NRCAM: variants seen among roughly 807,000 people sequenced by gnomAD.
The protein encoded by NRCAM is NgCAM-related cell adhesion molecule.
Under a neutral mutation model 156.5 loss-of-function variants are expected in NRCAM, and 83 were observed. The observed-to-expected ratio is 0.53, with a 90% CI of 0.44 to 0.64. The LOEUF (loss-of-function observed/expected upper bound fraction) is 0.64. NRCAM is among the 30% of genes least tolerant of loss of function. NRCAM has a pLI of 0.00. For missense variants in NRCAM, 1,417 were observed against 1,597.3 expected, an observed-to-expected ratio of 0.89 and a Z score of 1.92; for synonymous variants, 538 against 563.9, an observed-to-expected ratio of 0.95 and a Z score of 0.65.
rs1258199988 is a variant in NRCAM, at chr7:108,151,213, T to TG, written c.3678-1067dup. On this transcript the variant is annotated intron_variant, in intron 32 of 32. Transcript: ENST00000379028. The stretch of plus-strand genomic sequence containing the variant: ...GACCTATTTTTTAATAGGTAACATT[T>TG]GGGAAAAAAATAGAAAAAGGCAATG... 2.6e-5 allele frequency among the ~76,000 whole-genome samples: 4 copies of TG among 152,014 alleles called. No homozygotes were observed. The East Asian group carries it at 7.7e-4, about 29-fold the overall frequency.
intron 8 of NRCAM, among the ~76,000 whole-genome samples, chr7:108,228,148 C>G (rs147635346): frequency 6.6e-6 from 1 of 151,986 alleles, no homozygotes; most frequent in African/African-American, 2.4e-5. Context: ...ATGGCAAAAC[C>G]CTGTCTCTAC....
intron 2 of NRCAM, among the ~76,000 whole-genome samples, chr7:108,379,358 T>G (rs1045066509): frequency 8.5e-5 from 13 of 152,170 alleles, no homozygotes; most frequent in South Asian, 4.1e-4. Flanking sequence ...GCCTCGACTT[T>G]GCTAAATGAA....
chr7:108,188,955 G>T (rs1198780576), intron 20 of NRCAM, among the ~76,000 whole-genome samples: 1 of 151,114 alleles, frequency 6.6e-6, no homozygotes, highest in African/African-American at 2.4e-5. Context: ...CATGTGACCT[G>T]ATTGTGTCTG....
At chr7:108,324,163 G>A (rs2099037302) in intron 2 of NRCAM, among the ~76,000 whole-genome samples, 1 of 152,056 alleles carries the variant, frequency 6.6e-6, no homozygotes, top group Non-Finnish European at 1.5e-5. Context: ...TTGAAGGGTG[G>A]AATAGGCTGT....
At chr7:108,257,226 G>A (rs2153973792) in intron 3 of NRCAM, among the ~76,000 whole-genome samples, 1 of 152,218 alleles carries the variant, frequency 6.6e-6, no homozygotes, top group South Asian at 2.1e-4. Context: ...ACAGGCAGGA[G>A]GGAACTTTGT....
intron 32 of NRCAM, chr7:108,150,730 G>T (rs750230483): frequency 1.9e-6 from 1 of 533,938 alleles, no homozygotes; most frequent in East Asian, 5.5e-5. Context: ...TTAAAAGGAT[G>T]CAGAAGAAAC....
intron 14 of NRCAM, 29 bp downstream of exon 14, chr7:108,197,926 TG>T (rs774423074): frequency 6.6e-7 from 1 of 1,513,692 alleles, no homozygotes; most frequent in African/African-American, 1.4e-5. Context: ...TAATTTAATT[TG>T]CCATGTCTTT....
Position 108,150,085 on chromosome 7 carries a change from T to C in NRCAM, c.3740A>G (p.Lys1247Arg), listed in dbSNP as rs762472329. The C allele has an allele frequency of 1.2e-6, 2 of 1,614,122 alleles. No individual in the cohort carries two copies. The highest frequency in any genetic ancestry group is 1.7e-6 in the Non-Finnish European group (2 of 1,179,970). Residue 1247 changes from lysine (K) to arginine (R), a missense_variant, in exon 33 of 33, where the codon AAA (lysine) becomes AGA (arginine). Coordinates refer to ENST00000379028, the MANE Select transcript of NRCAM (RefSeq NM_001037132.4). Reference protein sequence around the residue: ...GSRTPSDRTVKKEDSDDSLVD... With the variant: ...GSRTPSDRTVRKEDSDDSLVD... ...TAGGCTGTCGTCACTATCTTCTTTT[T>C]TCACAGTCCTGTCTGAAGGAGTTCG... is the stretch of plus-strand genomic sequence containing the variant.
chr7:108,213,138 C>A (rs543769588), intron 11 of NRCAM, among the ~76,000 whole-genome samples: 2 of 152,040 alleles, frequency 1.3e-5, no homozygotes, highest in African/African-American at 4.8e-5. Flanking sequence ...TTGTATCCAG[C>A]GAAACTAAGC....
intron 3 of NRCAM, among the ~76,000 whole-genome samples, chr7:108,298,844 A>G (rs1037488125): frequency 4.0e-5 from 6 of 151,362 alleles, no homozygotes; most frequent in Admixed American, 2.0e-4. Context: ...GCAGTGGCTC[A>G]TGCCTAATCC....
At chr7:108,189,553 A>G in intron 20 of NRCAM, 92 bp downstream of exon 20, 1 of 703,246 alleles carries the variant, frequency 1.4e-6, no homozygotes, top group Non-Finnish European at 2.6e-6. Flanking sequence ...ATCCCAGTAA[A>G]TACCTTTGTG....
chr7:108,224,783 A>AG (rs1158191712), intron 10 of NRCAM, among the ~76,000 whole-genome samples: 1 of 152,142 alleles, frequency 6.6e-6, no homozygotes, highest in African/African-American at 2.4e-5. Flanking sequence ...TAGAGATTGT[A>AG]GCGGGGAAAC....
intron 2 of NRCAM, among the ~76,000 whole-genome samples, chr7:108,389,778 T>A (rs1226905102): frequency 6.6e-6 from 1 of 152,198 alleles, no homozygotes; most frequent in South Asian, 2.1e-4. Context: ...GCTGTTGAAT[T>A]TTGTCAAAGG....
At position 108,172,665 on chromosome 7, in the gene NRCAM, C is replaced by T. The variant is rs763735215; in HGVS notation, c.3187+2657G>A. Reference sequence around the variant, plus strand: ...ATAATTCCTACACAAATATTGAGAGCTTTAATCCAACAAAGAAAAGGACAA... The same window carrying T: ...ATAATTCCTACACAAATATTGAGAGTTTTAATCCAACAAAGAAAAGGACAA... On this transcript the variant is annotated intron_variant, in intron 28 of 32. Coordinates refer to ENST00000379028, the MANE Select transcript of NRCAM (RefSeq NM_001037132.4). 3.8e-4 allele frequency among the ~76,000 whole-genome samples: 58 copies of T among 152,238 alleles called. No individual in the cohort carries two copies. The Middle Eastern group carries it at 0.01, about 27-fold the overall frequency.
chr7:108,455,696 C>T (rs527237004), intron 1 of NRCAM, among the ~76,000 whole-genome samples: 2 of 152,336 alleles, frequency 1.3e-5, no homozygotes, highest in Non-Finnish European at 1.5e-5. Flanking sequence ...GTACGCACTT[C>T]CGAACAAAGC....
At chr7:108,212,500 T>C (rs970259655) in intron 11 of NRCAM, among the ~76,000 whole-genome samples, 11 of 151,786 alleles carry the variant, frequency 7.2e-5, no homozygotes, top group African/African-American at 1.5e-4. Flanking sequence ...CAAAAAACAA[T>C]ACAAGAAGCA....
chr7:108,453,352 A>G (rs1852665974), intron 1 of NRCAM, among the ~76,000 whole-genome samples: 1 of 152,218 alleles, frequency 6.6e-6, no homozygotes. Context: ...AGGTGTATAC[A>G]TTCTCAGGAC....
At chr7:108,346,804 T>C (rs2099358244) in intron 2 of NRCAM, among the ~76,000 whole-genome samples, 1 of 152,172 alleles carries the variant, frequency 6.6e-6, no homozygotes, top group Non-Finnish European at 1.5e-5. Flanking sequence ...CTGGTCTGTA[T>C]TGAAACTACA....
At position 108,194,327 on chromosome 7, in the gene NRCAM, G is replaced by A. The variant is rs780240244; in HGVS notation, c.1565C>T (p.Thr522Ile). The A allele has an allele frequency of 2.5e-6, 4 of 1,613,498 alleles. No individual in the cohort carries two copies. The highest frequency in any genetic ancestry group is 1.7e-4 in the Middle Eastern group (1 of 6,058). The change falls in exon 16 of 33, where the codon ACT becomes ATT. Residue 522 changes from threonine to isoleucine, a missense_variant. By Grantham distance (89) the Thr-to-Ile change is moderately conservative (BLOSUM62 -1). This residue lies in a region of NRCAM where 1,238 missense variants were observed against 1,336.4 expected (regional missense o/e 0.93). Coordinates refer to ENST00000379028, the MANE Select transcript of NRCAM (RefSeq NM_001037132.4). ...TTTATTCCTTGCAACACACGTATAA[G>A]TTCCTGTACTGTCCTTTTGGGCCAC... is the stretch of plus-strand genomic sequence containing the variant. ...IPVAQKDSTG[T>I]YTCVARNKLG...
Sources: allele counts gnomAD v4.1 joint callset (sites outside exome capture counted in the v4.1 genomes callset), GRCh38; gene constraint gnomAD v4.1.1; regional missense constraint gnomAD v4.1.1; transcripts MANE v1.5; gene names NCBI Gene and HGNC (gene_info 2026-07-23, HGNC 2026-07-21).